ODAD3: variants seen among roughly 807,000 people sequenced by gnomAD.
ODAD3 encodes outer dynein arm docking complex subunit 3, also known as outer dynein arm-docking complex subunit 3.
In ODAD3, 57 loss-of-function variants were observed where a neutral mutation model predicts 70.9. The ratio of observed to expected loss-of-function variants is 0.80; its 90% CI spans 0.65 to 1.00. The LOEUF is 1.00. ODAD3 is among the 50% of genes least tolerant of loss of function. ODAD3 has a pLI of 0.00. For synonymous variants in ODAD3, 327 were observed against 315.9 expected (o/e 1.04, Z -0.37); for missense variants, 797 against 763.9 (o/e 1.04, Z -0.51).
At chr19:11,435,581 T>A, upstream of ODAD3, 1 of 881,836 alleles carries the variant, frequency 1.1e-6, no homozygotes, top group Admixed American at 2.4e-5. Context: ...TGAGTCTCCG[T>A]TCCCGGTGCG....
intron 3 of ODAD3, among the ~76,000 whole-genome samples, chr19:11,427,979 A>G (rs1327919936): frequency 6.6e-6 from 1 of 151,740 alleles, no homozygotes; most frequent in African/African-American, 2.4e-5. Flanking sequence ...AGGCGCCTGT[A>G]GTCCCAGCTA....
At position 11,434,965 on chromosome 19, in the gene ODAD3, C is replaced by G. The variant is rs578106295; in HGVS notation, c.52G>C (p.Asp18His). The change falls in exon 1 of 13, where the codon GAC (aspartate) becomes CAC (histidine). Residue 18 changes from aspartate (D) to histidine (H), a missense_variant. Asp to His is a moderately conservative substitution (Grantham distance 81). Transcript: ENST00000356392. The part of the protein sequence containing the change: ...AASANALPPQ[D>H]QASTPSSRVK... The stretch of plus-strand genomic sequence containing the variant: ...CTGGAAGAGGGCGTCGAAGCCTGGT[C>G]CTGAGGAGGCAGGGCGTTGGCGGAG... The G allele has an allele frequency of 6.2e-6, 10 of 1,613,674 alleles. No individual in the cohort carries two copies. The highest frequency in any genetic ancestry group is 8.5e-6 in the Non-Finnish European group (10 of 1,180,038).
intron 8 of ODAD3, 40 bp downstream of exon 8, chr19:11,423,837 G>T (rs1471843296): frequency 1.5e-6 from 2 of 1,347,516 alleles, no homozygotes; most frequent in Non-Finnish European, 2.0e-6. Flanking sequence ...GTCTGGGGTG[G>T]GGGGGGGGCG....
At chr19:11,435,751 G>T (rs1410459998), upstream of ODAD3, 6 of 1,364,624 alleles carry the variant, frequency 4.4e-6, no homozygotes, top group East Asian at 2.1e-4. Flanking sequence ...GTTTCTTACA[G>T]GGGGCAACCG....
rs1969393130 is a variant in ODAD3, at chr19:11,426,971, C to G, written c.514G>C (p.Val172Leu). The part of the protein sequence containing the change: ...KQQNALRHQV[V>L]LRQRRLEELQ... The stretch of plus-strand genomic sequence containing the variant: ...TCCTCCAGCCGCCTCTGCCGCAACA[C>G]CACCTGGTGCCGCAGGGCGTTCTGC... Residue 172 changes from valine (V) to leucine (L), a missense_variant, in exon 4 of 13, where the codon GTG becomes CTG. Physicochemically the swap from Val to Leu is conservative, Grantham distance 32. Coordinates refer to ENST00000356392, the MANE Select transcript of ODAD3 (RefSeq NM_145045.5). 5 of 1,607,988 alleles carry G rather than the reference C, an allele frequency of 3.1e-6. No individual in the cohort carries two copies. Among genetic ancestry groups the G allele is most frequent in the African/African-American group, 1.3e-5 (1 of 75,056 alleles).
chr19:11,426,312 C>A, intron 6 of ODAD3, 46 bp from the exon 7 acceptor site: 1 of 1,610,592 alleles, frequency 6.2e-7, no homozygotes, highest in South Asian at 1.1e-5. Flanking sequence ...GCACCTACCA[C>A]TGCCCGCCGC....
rs1381537972 is a variant in ODAD3 at position 11,420,904 on chromosome 19, T to TGCGC, written c.1715_1718dup (p.Ser574ArgfsTer28). ...ATTTCTGGGAACGGATCTTGAGTGA[T>TGCGC]GCGCGGGTCACTACCTCGTTGTCCT... On this transcript the variant is annotated frameshift_variant, in exon 13 of 13. Transcript: ENST00000356392. LOFTEE classifies it high-confidence loss of function. The TGCGC allele has an allele frequency of 8.7e-6, 14 of 1,612,584 alleles. No individual in the cohort carries two copies. The South Asian group carries it at 1.3e-4, about 15-fold the overall frequency.
Position 11,422,862 on chromosome 19 carries a change from C to G in ODAD3, c.1117-1G>C, listed in dbSNP as rs746849797. The G allele has an allele frequency of 1.9e-6, 3 of 1,601,982 alleles. No individual in the cohort carries two copies. The Admixed American group carries it at 5.0e-5, about 27-fold the overall frequency. ...GGGCCAGGAACCGCCGCACCAACGA[C>G]TGCGGGCCACCCAGCCCCAGTCAGA... is the stretch of plus-strand genomic sequence containing the variant. On this transcript the variant is annotated splice_acceptor_variant, in intron 8 of 12. Coordinates refer to ENST00000356392, the MANE Select transcript of ODAD3 (RefSeq NM_145045.5). LOFTEE classifies it high-confidence loss of function. The surrounding 1 kb of genome is among the most constrained non-coding windows in gnomAD (Gnocchi z 4.6).
upstream of ODAD3, chr19:11,435,524 C>T (rs1969666289): frequency 6.4e-6 from 3 of 467,204 alleles, no homozygotes; most frequent in African/African-American, 2.0e-5. Context: ...ATGGCCGTCT[C>T]GGCTCTGGCA....
At chr19:11,432,381 T>C (rs975976857) in intron 1 of ODAD3, among the ~76,000 whole-genome samples, 3 of 152,186 alleles carry the variant, frequency 2.0e-5, no homozygotes, top group Admixed American at 6.6e-5. Context: ...CCCAAGTAGC[T>C]AGGACTAGAG....
chr19:11,425,035 A>ATATG, intron 7 of ODAD3, among the ~76,000 whole-genome samples: 1 of 122,258 alleles, frequency 8.2e-6, no homozygotes, highest in Non-Finnish European at 1.6e-5. Context: ...ATGTGCATAT[A>ATATG]TACATATGTG....
rs1969203553 is a variant in ODAD3 at position 11,423,992 on chromosome 19, G to T, written c.1001C>A (p.Thr334Asn). 1.2e-6 allele frequency: 2 copies of T among 1,612,400 alleles called. No individual in the cohort carries two copies. Among genetic ancestry groups the T allele is most frequent in the East Asian group, 4.5e-5 (2 of 44,882 alleles). The change falls in exon 8 of 13, where the codon ACC becomes AAC. Residue 334 changes from threonine (T) to asparagine (N), a missense_variant. By Grantham distance (65) the Thr-to-Asn change is moderately conservative. Transcript: ENST00000356392. ...CTTGGCATGCAGGCTGTCCTGGATG[G>T]TGTCGTCGGACTGTAGCAGCAGGTG... ...REHLLLQSDD[T>N]IQDSLHAKEE...
intron 7 of ODAD3, among the ~76,000 whole-genome samples, chr19:11,425,297 A>G (rs566274792): frequency 2.2e-5 from 3 of 136,030 alleles, no homozygotes; most frequent in South Asian, 2.3e-4. Context: ...ATATGTGTAT[A>G]TATGTGTATG....
rs201635481 is a variant in ODAD3 at position 11,429,585 on chromosome 19, T to A, written c.444+1114A>T. Among the ~76,000 whole-genome samples, 15 of 152,028 alleles carry A rather than the reference T, an allele frequency of 9.9e-5. 1 individual carries two copies. The South Asian group carries it at 1.7e-3, about 17-fold the overall frequency. Reference sequence around the variant, plus strand: ...CCACCACACCTGGCTAATTTTTGTATTTTTAGTAAAAACAGGGTTTCACCA... The same window carrying A: ...CCACCACACCTGGCTAATTTTTGTAATTTTAGTAAAAACAGGGTTTCACCA... On this transcript the variant is annotated intron_variant, in intron 3 of 12. Coordinates refer to ENST00000356392, the MANE Select transcript of ODAD3 (RefSeq NM_145045.5).
rs77457275 is a variant in ODAD3, at chr19:11,423,381, G to T, written c.1116+496C>A. 3.3e-3 allele frequency among the ~76,000 whole-genome samples: 497 copies of T among 152,296 alleles called. 2 individuals carry two copies. The highest frequency in any genetic ancestry group is 0.011 in the African/African-American group (471 of 41,558). On this transcript the variant is annotated intron_variant, in intron 8 of 12. Transcript: ENST00000356392. The stretch of plus-strand genomic sequence containing the variant: ...CCCAGAGGGGAGAAACAGGGTTGGG[G>T]TCCAGTGTTCACCGGCGGGAACCAG...
intron 10 of ODAD3, 83 bp from the exon 11 acceptor site, chr19:11,421,915 G>GAGGTAA: frequency 6.7e-7 from 1 of 1,492,682 alleles, no homozygotes; most frequent in Non-Finnish European, 9.0e-7. Context: ...TTTTCTTTCG[G>GAGGTAA]GGGCGGGGCC....
At chr19:11,425,091 ATG>A (rs1191291284) in intron 7 of ODAD3, among the ~76,000 whole-genome samples, 5 of 134,694 alleles carry the variant, frequency 3.7e-5, no homozygotes, top group Admixed American at 7.1e-5. Context: ...ATATGTACAT[ATG>A]TGTATATATG....
At position 11,422,466 on chromosome 19, in the gene ODAD3, C is replaced by A. The variant is rs375040692; in HGVS notation, c.1434+5G>T. 9.5e-6 allele frequency: 15 copies of A among 1,580,000 alleles called. No homozygotes were observed. The African/African-American group carries it at 1.9e-4, about 20-fold the overall frequency. On this transcript the variant is annotated splice_donor_5th_base_variant and intron_variant, in intron 10 of 12. Coordinates refer to ENST00000356392, the MANE Select transcript of ODAD3 (RefSeq NM_145045.5). This position sits in a 1 kb window ranked among gnomAD's most constrained non-coding sequence, Gnocchi z 4.6. ...CTGTCGGGGCTTCCCCTGGGCGGGG[C>A]CTACCACAGTGATGTGGATCAGCTT...
At chr19:11,427,609 GT>G (rs2144774638) in intron 3 of ODAD3, among the ~76,000 whole-genome samples, 1 of 151,440 alleles carries the variant, frequency 6.6e-6, no homozygotes, top group South Asian at 2.1e-4. Flanking sequence ...AGCCTCCCAA[GT>G]AGCTGGGATT....
Sources: gnomAD v4.1 joint callset for allele counts (sites outside exome capture counted in the v4.1 genomes callset) on GRCh38, gnomAD v4.1.1 for gene constraint, Gnocchi (gnomAD v3.1) non-coding constraint, MANE v1.5 for transcripts, NCBI Gene and HGNC (gene_info 2026-07-23, HGNC 2026-07-21) for gene names.